The following UBE2F variants were observed in gnomAD, a reference collection of about 807,000 sequenced individuals.
UBE2F encodes NEDD8-conjugating enzyme UBE2F.
A neutral mutation model predicts 29.6 loss-of-function variants in UBE2F; 5 were observed. The observed-to-expected ratio is 0.17, with a 90% CI of 0.09 to 0.36. The LOEUF (loss-of-function observed/expected upper bound fraction) is 0.36, where lower values mean the gene tolerates loss of function less well. Ranked by LOEUF, UBE2F falls within the 10% of genes least tolerant of loss-of-function variation. The probability of loss-of-function intolerance (pLI) is 1.00; values close to 1 mark genes in which losing one functional copy is unlikely to be tolerated. For missense variants in UBE2F, 141 were observed against 228.5 expected, an observed-to-expected ratio of 0.62 and a Z score of 2.47; for synonymous variants, 66 against 81.8, an observed-to-expected ratio of 0.81 and a Z score of 1.04.
At chr2:237,994,431 G>A (rs537176330) in intron 3 of UBE2F, among the ~76,000 whole-genome samples, 3 of 152,174 alleles carry the variant, frequency 2.0e-5, no homozygotes, top group Non-Finnish European at 4.4e-5. Context: ...GTTTCTTCTT[G>A]TCAAAGTACA....
rs2063068278 is a variant in UBE2F, at chr2:237,967,054, G to T, written c.-95G>T. The T allele has an allele frequency of 5.3e-6, 7 of 1,317,212 alleles. No homozygotes were observed. Among genetic ancestry groups the T allele is most frequent in the South Asian group, 2.0e-5 (1 of 51,242 alleles). The allele number at this position is 1,317,212 out of a possible 1,614,324, so 81.6% of individuals were successfully genotyped here. ...GCCGGGAGCCGGTGCGGCTGTGAGG[G>T]GCCGCGTCTCGCAGCAGCCGCCCGG... On this transcript the variant is annotated 5_prime_UTR_variant, in exon 1 of 10. Coordinates refer to ENST00000272930, the MANE Select transcript of UBE2F (RefSeq NM_080678.3). This position sits in a 1 kb window ranked among gnomAD's most constrained non-coding sequence, Gnocchi z 6.3.
chr2:237,979,231 CCTT>C (rs1358775527), intron 2 of UBE2F, among the ~76,000 whole-genome samples: 1 of 152,196 alleles, frequency 6.6e-6, no homozygotes, highest in Non-Finnish European at 1.5e-5. Context: ...TGGTTTCTAA[CCTT>C]CTCTTGTTTT....
intron 3 of UBE2F, among the ~76,000 whole-genome samples, chr2:237,988,355 G>A (rs2063521826): frequency 6.6e-6 from 1 of 151,928 alleles, no homozygotes; most frequent in African/African-American, 2.4e-5. Context: ...GGCTGAGGCA[G>A]GAGAATCACT....
chr2:238,011,776 C>T (rs1384879547), intron 4 of UBE2F, among the ~76,000 whole-genome samples: 2 of 152,192 alleles, frequency 1.3e-5, no homozygotes, highest in African/African-American at 4.8e-5. Context: ...CTCAGGACTG[C>T]TTGTTCACAT....
intron 3 of UBE2F, among the ~76,000 whole-genome samples, chr2:237,992,162 G>A (rs557972349): frequency 4.6e-5 from 7 of 152,118 alleles, no homozygotes; most frequent in African/African-American, 7.2e-5. Context: ...CACTGCGACC[G>A]GCCGATAATT....
Position 237,987,959 on chromosome 2 carries a change from A to G in UBE2F, c.119-4A>G. ...TATTAATAATAATTTCTTTGTTTCT[A>G]CAGAGGTTGCAGAACTTGAAGCTAA... On this transcript the variant is annotated splice_polypyrimidine_tract_variant and splice_region_variant and intron_variant, in intron 2 of 9. Transcript: ENST00000272930. The G allele has an allele frequency of 6.7e-7, 1 of 1,482,050 alleles. No homozygotes were observed. Among genetic ancestry groups the G allele is most frequent in the Non-Finnish European group, 9.1e-7 (1 of 1,099,462 alleles). 91.8% of individuals were successfully genotyped at this position (1,482,050 alleles called of 1,614,324 possible).
chr2:237,988,140 T>C (rs2063518828), intron 3 of UBE2F, 148 bp downstream of exon 3: 1 of 562,248 alleles, frequency 1.8e-6, no homozygotes, highest in African/African-American at 2.0e-5. Context: ...GTAGGATTTT[T>C]TCAAGTGTCT....
chr2:238,007,161 G>A (rs994672483), intron 4 of UBE2F, among the ~76,000 whole-genome samples: 1 of 151,944 alleles, frequency 6.6e-6, no homozygotes, highest in African/African-American at 2.4e-5. Context: ...TTGCTCTATC[G>A]CCAAGGCTGG....
At chr2:238,011,843 C>G (rs2064038070) in intron 4 of UBE2F, among the ~76,000 whole-genome samples, 1 of 152,100 alleles carries the variant, frequency 6.6e-6, no homozygotes, top group African/African-American at 2.4e-5. Context: ...GCCATTTTGT[C>G]TTTGGACTTC....
At chr2:238,025,435 C>A in intron 6 of UBE2F, 23 bp downstream of exon 6, 2 of 1,600,200 alleles carry the variant, frequency 1.2e-6, no homozygotes, top group Non-Finnish European at 1.7e-6. Context: ...TCTTTTCTTT[C>A]TTCTACATTC....
intron 5 of UBE2F, among the ~76,000 whole-genome samples, chr2:238,021,819 C>T (rs753390743): frequency 2.0e-5 from 3 of 152,178 alleles, no homozygotes; most frequent in Non-Finnish European, 4.4e-5. Flanking sequence ...GTCCCAGCCT[C>T]GATTTGGTCT....
At chr2:238,034,255 C>T (rs1434234370) in intron 8 of UBE2F, among the ~76,000 whole-genome samples, 2 of 151,280 alleles carry the variant, frequency 1.3e-5, no homozygotes, top group Admixed American at 6.6e-5. Flanking sequence ...GGTGAAATCT[C>T]ACCTCTACTA....
Position 238,020,222 on chromosome 2 carries a change from C to T in UBE2F, c.282+3589C>T, listed in dbSNP as rs138045161. On this transcript the variant is annotated intron_variant, in intron 5 of 9. Coordinates refer to ENST00000272930, the MANE Select transcript of UBE2F (RefSeq NM_080678.3). ...CCAGCTGTCTTGCCCACACTATTTC[C>T]GGTGTGTAGCTTGTGCCTGCCATGC... Among the ~76,000 whole-genome samples, 485 of 152,308 alleles carry T rather than the reference C, an allele frequency of 3.2e-3. 1 individual carries two copies. The highest frequency in any genetic ancestry group is 6.8e-3 in the African/African-American group (283 of 41,562).
At chr2:238,032,045 T>C (rs900909499) in intron 7 of UBE2F, among the ~76,000 whole-genome samples, 177 bp from the exon 8 acceptor site, 1 of 152,262 alleles carries the variant, frequency 6.6e-6, no homozygotes, top group Non-Finnish European at 1.5e-5. Flanking sequence ...TCTTTGAATT[T>C]TCCAGAGTTT....
At chr2:238,001,855 AT>A (rs1447461740) in intron 4 of UBE2F, among the ~76,000 whole-genome samples, 22 of 152,122 alleles carry the variant, frequency 1.4e-4, no homozygotes. Context: ...ACAAAAAAGA[AT>A]GTATCAGTCA....
chr2:238,012,816 G>C (rs891480395), intron 4 of UBE2F, among the ~76,000 whole-genome samples: 9 of 152,162 alleles, frequency 5.9e-5, no homozygotes, highest in Non-Finnish European at 1.3e-4. Context: ...ATCCTCTTTT[G>C]TTGGCTCTCA....
At chr2:237,989,478 G>A (rs768955283) in intron 3 of UBE2F, among the ~76,000 whole-genome samples, 2 of 151,840 alleles carry the variant, frequency 1.3e-5, no homozygotes, top group Non-Finnish European at 2.9e-5. Flanking sequence ...TCAGCCTCCC[G>A]AGTAGCTGGG....
At chr2:238,016,380 G>T (rs1018438056) in intron 4 of UBE2F, among the ~76,000 whole-genome samples, 186 bp from the exon 5 acceptor site, 2 of 152,136 alleles carry the variant, frequency 1.3e-5, no homozygotes, top group Admixed American at 6.5e-5. Flanking sequence ...GCCCATTTCT[G>T]TTCAGGCAGG....
Position 238,035,873 on chromosome 2 carries a change from T to C in UBE2F, c.445-5T>C, listed in dbSNP as rs1312247732. 4 of 1,610,722 alleles carry C rather than the reference T, an allele frequency of 2.5e-6. No individual in the cohort carries two copies. The African/African-American group carries it at 5.3e-5, about 22-fold the overall frequency. ...ATGTTTACTTTAAGTTTCTCTCTTT[T>C]TAAGGATCTTTTGAATTTTGATGAT... On this transcript the variant is annotated splice_polypyrimidine_tract_variant and splice_region_variant and intron_variant, in intron 8 of 9. Transcript: ENST00000272930.
Sources: allele counts gnomAD v4.1 joint callset (sites outside exome capture counted in the v4.1 genomes callset), GRCh38; gene constraint gnomAD v4.1.1; non-coding constraint Gnocchi (gnomAD v3.1); transcripts MANE v1.5; gene names NCBI Gene and HGNC (gene_info 2026-07-23, HGNC 2026-07-21).